Variants in XRCC4 observed in about 807,000 individuals in gnomAD.
XRCC4 encodes X-ray repair cross complementing 4.
Under a neutral mutation model 39.1 loss-of-function variants are expected in XRCC4, and 28 were observed. The ratio of observed to expected loss-of-function variants is 0.72; its 90% confidence interval spans 0.53 to 0.98. The LOEUF (loss-of-function observed/expected upper bound fraction) is 0.98, where lower values mean the gene tolerates loss of function less well. XRCC4 is among the 50% of genes least tolerant of loss of function. XRCC4 has a pLI of 0.00. For missense variants in XRCC4, 350 were observed against 376.4 expected (o/e 0.93, Z 0.58); for synonymous variants, 123 against 126.4 (o/e 0.97, Z 0.18).
intron 7 of XRCC4, among the ~76,000 whole-genome samples, chr5:83,312,196 T>C (rs1443935751): frequency 1.3e-5 from 2 of 152,200 alleles, no homozygotes; most frequent in African/African-American, 4.8e-5. Context: ...AGGATACCCT[T>C]TGCCTTACTT....
chr5:83,301,593 T>G (rs1231415135), intron 7 of XRCC4, among the ~76,000 whole-genome samples: 2 of 152,218 alleles, frequency 1.3e-5, no homozygotes, highest in Non-Finnish European at 2.9e-5. Flanking sequence ...ATCCCATTTG[T>G]AAATTTTGGC....
At chr5:83,361,033 G>C in the XRCC4 span, among the ~76,000 whole-genome samples, 1 of 152,088 alleles carries the variant, frequency 6.6e-6, no homozygotes, top group African/African-American at 2.4e-5. Context: ...TGGGTTTGGG[G>C]ACCAGATCAA....
chr5:83,351,742 C>G (rs944880470), intron 7 of XRCC4, among the ~76,000 whole-genome samples: 1 of 152,134 alleles, frequency 6.6e-6, no homozygotes, highest in Admixed American at 6.6e-5. Context: ...TTGGCTTGCT[C>G]AGAATAAGAC....
At chr5:83,292,858 T>C (rs1292720737) in intron 7 of XRCC4, among the ~76,000 whole-genome samples, 2 of 151,930 alleles carry the variant, frequency 1.3e-5, no homozygotes. Flanking sequence ...CAAAACTATA[T>C]TTTGGATTTC....
intron 3 of XRCC4, among the ~76,000 whole-genome samples, chr5:83,146,132 A>G (rs1264114323): frequency 1.3e-5 from 2 of 152,206 alleles, no homozygotes; most frequent in Non-Finnish European, 2.9e-5. Flanking sequence ...GCCTAATTAA[A>G]GTCATGCCTG....
At position 83,328,152 on chromosome 5, in the gene XRCC4, G is replaced by A. The variant is rs111948768; in HGVS notation, c.894-24979G>A. 3.1e-3 allele frequency among the ~76,000 whole-genome samples: 473 copies of A among 152,070 alleles called. 3 individuals carry two copies. Among genetic ancestry groups the A allele is most frequent in the African/African-American group, 0.011 (446 of 41,502 alleles). ...GAGAAAATGAGGAAGAAGCAAAAGC[G>A]GAAACCCCTGATAAACCCATCAGAT... On this transcript the variant is annotated intron_variant, in intron 7 of 7. Transcript: ENST00000396027.
the XRCC4 span, among the ~76,000 whole-genome samples, chr5:83,370,481 C>A: frequency 6.6e-6 from 1 of 152,296 alleles, no homozygotes; most frequent in African/African-American, 2.4e-5. Context: ...CTTTACTTAT[C>A]TCTGAAAGAC....
intron 1 of XRCC4, among the ~76,000 whole-genome samples, chr5:83,094,285 C>T (rs2112329044): frequency 7.6e-6 from 1 of 131,530 alleles, no homozygotes; most frequent in East Asian, 2.4e-4. Flanking sequence ...AGGCTCCCCT[C>T]CCCTCCTTTC....
At chr5:83,322,951 T>C (rs1265933896) in intron 7 of XRCC4, among the ~76,000 whole-genome samples, 1 of 152,102 alleles carries the variant, frequency 6.6e-6, no homozygotes, top group Non-Finnish European at 1.5e-5. Flanking sequence ...TCATAGGAAA[T>C]AAATGCACTG....
At position 83,078,585 on chromosome 5, in the gene XRCC4, G is replaced by C. The variant is rs28383125; in HGVS notation, c.-11+970G>C. On this transcript the variant is annotated intron_variant, in intron 1 of 7. Transcript: ENST00000396027. ...CAATGATTAGAAGATTTGGGATTCT[G>C]CTATTTGTGTTTACATTGTTCACTA... 4.8e-3 allele frequency among the ~76,000 whole-genome samples: 725 copies of C among 152,284 alleles called. 3 individuals are homozygous for C. Among genetic ancestry groups the C allele is most frequent in the African/African-American group, 0.016 (675 of 41,562 alleles).
the XRCC4 span, among the ~76,000 whole-genome samples, chr5:83,369,352 G>T: frequency 6.6e-6 from 1 of 152,068 alleles, no homozygotes; most frequent in Non-Finnish European, 1.5e-5. Flanking sequence ...TGTCACCCTG[G>T]TATTGAGCAT....
chr5:83,320,427 A>T (rs758501920), intron 7 of XRCC4, among the ~76,000 whole-genome samples: 25 of 151,940 alleles, frequency 1.6e-4, no homozygotes, highest in Non-Finnish European at 3.5e-4. Context: ...CCTGGCGAAG[A>T]TTCTATGAAC....
At chr5:83,245,299 G>T (rs528289407) in intron 6 of XRCC4, among the ~76,000 whole-genome samples, 1 of 151,656 alleles carries the variant, frequency 6.6e-6, no homozygotes, top group African/African-American at 2.4e-5. Flanking sequence ...TACAATTACC[G>T]AAACAAGAGA....
In XRCC4 at chr5:83,280,390, C is replaced by T. The variant is rs1754494612; in HGVS notation, c.893+21713C>T. 7 of 563,960 alleles carry T rather than the reference C, an allele frequency of 1.2e-5. No homozygotes were observed. In the Admixed American group the frequency reaches 1.7e-4, roughly 14 times the overall value. 34.9% of individuals were successfully genotyped at this position (563,960 alleles called of 1,614,324 possible). On this transcript the variant is annotated intron_variant, in intron 7 of 7. Coordinates refer to ENST00000396027, the MANE Select transcript of XRCC4 (RefSeq NM_003401.5). ...GTTTCTTGAATGTCTTAAAATTCTTCTCTCTGAATATTCTTTCCTTTTGTT... is the reference window on the plus strand; with the variant it reads ...GTTTCTTGAATGTCTTAAAATTCTTTTCTCTGAATATTCTTTCCTTTTGTT...
At chr5:83,099,331 T>G (rs1280172693) in intron 1 of XRCC4, among the ~76,000 whole-genome samples, 3 of 152,010 alleles carry the variant, frequency 2.0e-5, no homozygotes, top group Non-Finnish European at 4.4e-5. Context: ...TAAAGGAAAA[T>G]AAAAGAAGCT....
chr5:83,170,698 T>C (rs1749682788), intron 3 of XRCC4, among the ~76,000 whole-genome samples: 1 of 150,622 alleles, frequency 6.6e-6, no homozygotes, highest in Non-Finnish European at 1.5e-5. Context: ...CTTTAAGGGC[T>C]CACTTGATTT....
At chr5:83,350,296 G>A (rs921037874) in intron 7 of XRCC4, among the ~76,000 whole-genome samples, 2 of 152,132 alleles carry the variant, frequency 1.3e-5, no homozygotes, top group African/African-American at 4.8e-5. Flanking sequence ...CGGGATTGCT[G>A]GATTGGATGA....
At chr5:83,121,578 T>C (rs1291536978) in intron 3 of XRCC4, among the ~76,000 whole-genome samples, 1 of 152,196 alleles carries the variant, frequency 6.6e-6, no homozygotes, top group African/African-American at 2.4e-5. Flanking sequence ...TGTTTAAATC[T>C]TTCACATTTG....
rs770332576 is a variant in XRCC4, at chr5:83,258,656, A to T, written c.872A>T (p.Asn291Ile). ...GAACCTAAAATGGCTCCTCAGGAGAATCAGCTTCAAGAAAAGGAAAAGTAA... is the reference window on the plus strand; with the variant it reads ...GAACCTAAAATGGCTCCTCAGGAGATTCAGCTTCAAGAAAAGGAAAAGTAA... ...GTEPKMAPQE[N>I]QLQEKEKPDS... Residue 291 changes from asparagine to isoleucine, a missense_variant, in exon 7 of 8, where the codon AAT becomes ATT. Physicochemically the swap from Asn to Ile is moderately radical, Grantham distance 149. Coordinates refer to ENST00000396027, the MANE Select transcript of XRCC4 (RefSeq NM_003401.5). 1 of 1,610,566 alleles carries T rather than the reference A, an allele frequency of 6.2e-7. No individual in the cohort carries two copies. The highest frequency in any genetic ancestry group is 8.5e-7 in the Non-Finnish European group (1 of 1,178,804).
Sources: gnomAD v4.1 joint callset for allele counts (sites outside exome capture counted in the v4.1 genomes callset) on GRCh38, gnomAD v4.1.1 for gene constraint, MANE v1.5 for transcripts, NCBI Gene and HGNC (gene_info 2026-07-23, HGNC 2026-07-21) for gene names.